Variants in ELL observed in about 807,000 individuals in gnomAD.
The protein encoded by ELL is elongation factor for RNA polymerase II.
A neutral mutation model predicts 64.0 loss-of-function variants in ELL; 18 were observed. That is an observed-to-expected ratio of 0.28 (90% confidence interval 0.19 to 0.42). The LOEUF is 0.42. ELL is among the 10% of genes least tolerant of loss of function. The pLI, the probability that ELL is intolerant of heterozygous loss-of-function variation, is 1.00. For missense variants in ELL, 797 were observed against 870.4 expected, an observed-to-expected ratio of 0.92 and a Z score of 1.06; for synonymous variants, 399 against 376.2, an observed-to-expected ratio of 1.06 and a Z score of -0.70.
At chr19:18,451,474 A>C in intron 7 of ELL, 78 bp downstream of exon 7, 1 of 1,217,548 alleles carries the variant, frequency 8.2e-7, no homozygotes, top group Non-Finnish European at 1.1e-6. Flanking sequence ...CTGGTGAGGA[A>C]GGTGACAAGG....
chr19:18,446,688 G>C (rs182886393), intron 9 of ELL, 60 bp downstream of exon 9: 12 of 1,597,362 alleles, frequency 7.5e-6, no homozygotes, highest in Admixed American at 1.7e-5. Context: ...CAGTGCTGGG[G>C]GAGGGGGTCT....
Position 18,521,937 on chromosome 19 carries a change from C to G in ELL, c.119G>C (p.Ser40Thr). The change falls in exon 1 of 12, where the codon AGC becomes ACC. Residue 40 changes from serine to threonine, a missense_variant. By Grantham distance (58) the Ser-to-Thr change is moderately conservative. Coordinates refer to ENST00000262809, the MANE Select transcript of ELL (RefSeq NM_006532.4). Reference protein sequence around the residue: ...LTDSALRAFESYRARQDSVSL... With the variant: ...LTDSALRAFETYRARQDSVSL... Reference sequence around the variant, plus strand: ...GCCACTCACCTGTCTGGCGCGGTAGCTCTCGAAGGCCCTCAGGGCACTGTC... The same window carrying G: ...GCCACTCACCTGTCTGGCGCGGTAGGTCTCGAAGGCCCTCAGGGCACTGTC... 1 of 1,603,228 alleles carries G rather than the reference C, an allele frequency of 6.2e-7. No individual in the cohort carries two copies. Among genetic ancestry groups the G allele is most frequent in the Non-Finnish European group, 8.5e-7 (1 of 1,174,986 alleles).
intron 1 of ELL, among the ~76,000 whole-genome samples, chr19:18,502,409 G>A (rs1372823314): frequency 1.3e-5 from 2 of 152,176 alleles, no homozygotes; most frequent in African/African-American, 4.8e-5. Context: ...CCAGGCCTGT[G>A]GTGACTGTGC....
At chr19:18,463,930 G>A (rs1974885810) in intron 4 of ELL, among the ~76,000 whole-genome samples, 1 of 150,792 alleles carries the variant, frequency 6.6e-6, no homozygotes, top group South Asian at 2.1e-4. Flanking sequence ...AGGTTGCAGT[G>A]AGCCGAGATC....
At chr19:18,516,876 G>A (rs1976142896) in intron 1 of ELL, among the ~76,000 whole-genome samples, 1 of 152,174 alleles carries the variant, frequency 6.6e-6, no homozygotes, top group Non-Finnish European at 1.5e-5. Context: ...GGAGGGGTCA[G>A]GCACTCACCC....
rs1974371540 is a variant in ELL, at chr19:18,444,672, GTTTA to G, written c.*76_*79del. On this transcript the variant is annotated 3_prime_UTR_variant, in exon 12 of 12. Transcript: ENST00000262809. The stretch of plus-strand genomic sequence containing the variant: ...TGGCTCAGATGAGCATCTTCCTCGG[GTTTA>G]TTTTTTTAAATAAATCCTCTCTCAC... The G allele has an allele frequency of 7.1e-7, 1 of 1,416,570 alleles. No individual in the cohort carries two copies. The highest frequency in any genetic ancestry group is 9.6e-7 in the Non-Finnish European group (1 of 1,046,534). 87.8% of individuals were successfully genotyped at this position (1,416,570 alleles called of 1,614,324 possible). A position where few individuals can be genotyped will look rare whatever the true frequency, so the allele number is the denominator to read the frequency against.
intron 1 of ELL, among the ~76,000 whole-genome samples, chr19:18,493,602 C>T (rs1400967615): frequency 2.0e-5 from 3 of 152,254 alleles, no homozygotes; most frequent in Non-Finnish European, 4.4e-5. Flanking sequence ...GCACGCAGAA[C>T]GACTGCAGCC....
chr19:18,519,343 T>G (rs778330008), intron 1 of ELL, among the ~76,000 whole-genome samples: 3 of 151,980 alleles, frequency 2.0e-5, no homozygotes, highest in Admixed American at 2.0e-4. Context: ...GGTGATAGAG[T>G]TGTCCACATG....
Position 18,450,903 on chromosome 19 carries a change from T to G in ELL, c.1039A>C (p.Arg347=). The G allele has an allele frequency of 2.6e-6, 4 of 1,558,786 alleles. No homozygotes were observed. Among genetic ancestry groups the G allele is most frequent in the Non-Finnish European group, 3.5e-6 (4 of 1,152,988 alleles). The change falls in exon 8 of 12, where the codon AGA becomes CGA. Residue 347 remains arginine, a synonymous_variant. Coordinates refer to ENST00000262809, the MANE Select transcript of ELL (RefSeq NM_006532.4). ...KKPRISHFTQ[R]AQPAVNGKLG... Reference sequence around the variant, plus strand: ...TTCCCGTTGACGGCAGGCTGAGCTCTCTGAGTGAAGTGCGATATCCGGGGT... The same window carrying G: ...TTCCCGTTGACGGCAGGCTGAGCTCGCTGAGTGAAGTGCGATATCCGGGGT...
At chr19:18,502,068 T>C (rs1378694542) in intron 1 of ELL, among the ~76,000 whole-genome samples, 1 of 152,092 alleles carries the variant, frequency 6.6e-6, no homozygotes, top group Non-Finnish European at 1.5e-5. Flanking sequence ...GCACCTGGCA[T>C]GGGGACAAGG....
chr19:18,517,668 T>A (rs1456885014), intron 1 of ELL, among the ~76,000 whole-genome samples: 2 of 148,236 alleles, frequency 1.3e-5, no homozygotes. Flanking sequence ...CAAGACCAGC[T>A]TAGGCAAAAT....
intron 2 of ELL, among the ~76,000 whole-genome samples, chr19:18,467,441 T>G (rs992378964): frequency 6.6e-6 from 1 of 151,998 alleles, no homozygotes; most frequent in Non-Finnish European, 1.5e-5. Flanking sequence ...AGCGTGCTGG[T>G]GGAGGGCAAG....
chr19:18,460,838 C>T (rs1035385914), intron 5 of ELL, among the ~76,000 whole-genome samples: 10 of 152,168 alleles, frequency 6.6e-5, no homozygotes, highest in Non-Finnish European at 1.0e-4. Flanking sequence ...AGCAGCGATC[C>T]GAGGAGACCC....
At chr19:18,478,214 T>C (rs1975219529) in intron 1 of ELL, among the ~76,000 whole-genome samples, 1 of 152,140 alleles carries the variant, frequency 6.6e-6, no homozygotes, top group South Asian at 2.1e-4. Context: ...GCCGAACCCT[T>C]GTCAGGGGGG....
intron 1 of ELL, among the ~76,000 whole-genome samples, chr19:18,508,739 T>C (rs1975937491): frequency 6.6e-6 from 1 of 152,250 alleles, no homozygotes; most frequent in Non-Finnish European, 1.5e-5. Flanking sequence ...GTTGCAGCCT[T>C]GGCTGCCGTC....
intron 8 of ELL, 81 bp downstream of exon 8, chr19:18,450,396 C>T (rs1974496696): frequency 6.5e-7 from 1 of 1,548,080 alleles, no homozygotes; most frequent in Admixed American, 1.9e-5. Context: ...AGCTTGAGCC[C>T]CCTCGACACC....
At chr19:18,451,047 T>C in intron 7 of ELL, 72 bp from the exon 8 acceptor site, 1 of 1,437,914 alleles carries the variant, frequency 7.0e-7, no homozygotes, top group Non-Finnish European at 9.1e-7. Context: ...TCCCCTGGCC[T>C]GGCTAGAAAA....
chr19:18,493,495 C>T (rs1257095536), intron 1 of ELL, among the ~76,000 whole-genome samples: 1 of 152,264 alleles, frequency 6.6e-6, no homozygotes, highest in Non-Finnish European at 1.5e-5. Context: ...AACAGAGACC[C>T]TGAACTGGGA....
At chr19:18,477,780 G>A (rs781650848) in intron 1 of ELL, among the ~76,000 whole-genome samples, 1 of 152,214 alleles carries the variant, frequency 6.6e-6, no homozygotes, top group Non-Finnish European at 1.5e-5. Flanking sequence ...GAGGGAGAGT[G>A]ACCCTAAATG....
Sources: allele counts gnomAD v4.1 joint callset (sites outside exome capture counted in the v4.1 genomes callset), GRCh38; gene constraint gnomAD v4.1.1; transcripts MANE v1.5; gene names NCBI Gene and HGNC (gene_info 2026-07-23, HGNC 2026-07-21).